Variants in IRF6 observed in about 807,000 individuals in gnomAD.
IRF6 encodes the protein Van der Woude syndrome.
In IRF6, 6 loss-of-function variants were observed where a neutral mutation model predicts 51.4. The ratio of observed to expected loss-of-function variants is 0.12; its 90% CI spans 0.06 to 0.23. The LOEUF is 0.23. Ranked by LOEUF, IRF6 falls within the 10% of genes least tolerant of loss-of-function variation. IRF6 has a pLI of 1.00. For synonymous variants in IRF6, 178 were observed against 215.7 expected, an observed-to-expected ratio of 0.83 and a Z score of 1.53; for missense variants, 348 against 585.2, an observed-to-expected ratio of 0.59 and a Z score of 4.18.
chr1:209,788,727 G>T, intron 8 of IRF6, 83 bp from the exon 9 acceptor site: 1 of 1,055,892 alleles, frequency 9.5e-7, no homozygotes, highest in Non-Finnish European at 1.4e-6. Context: ...TTGAAGGACA[G>T]ACCAAAGAGG....
chr1:209,801,468 C>G, intron 2 of IRF6, 52 bp from the exon 3 acceptor site: 3 of 1,429,590 alleles, frequency 2.1e-6, no homozygotes, highest in Non-Finnish European at 1.9e-6. Context: ...AGGCCAGCCA[C>G]TGGGAACCCT....
intron 4 of IRF6, 81 bp from the exon 5 acceptor site, chr1:209,795,499 G>A: frequency 6.2e-7 from 1 of 1,600,390 alleles, no homozygotes; most frequent in Non-Finnish European, 8.5e-7. Flanking sequence ...TTCAAGCTAG[G>A]GACTGCTAGC....
At chr1:209,797,890 C>G (rs2077913939) in intron 3 of IRF6, among the ~76,000 whole-genome samples, 1 of 152,208 alleles carries the variant, frequency 6.6e-6, no homozygotes, top group Admixed American at 6.5e-5. Context: ...CAGCTCAAGA[C>G]AGGAAGCACA....
intron 2 of IRF6, 56 bp from the exon 3 acceptor site, chr1:209,801,472 G>C: frequency 3.6e-6 from 5 of 1,407,966 alleles, no homozygotes; most frequent in Non-Finnish European, 4.8e-6. Flanking sequence ...CAGCCACTGG[G>C]AACCCTTCCC....
rs991676063 is a variant in IRF6, at chr1:209,796,900, A to C, written c.175-348T>G. Reference sequence around the variant, plus strand: ...AAGATAAAGCCTGCTGAAAATATGCACCAAAGTGCAGATGGTAACTCTGGA... The same window carrying C: ...AAGATAAAGCCTGCTGAAAATATGCCCCAAAGTGCAGATGGTAACTCTGGA... On this transcript the variant is annotated intron_variant, in intron 3 of 8. Coordinates refer to ENST00000367021, the MANE Select transcript of IRF6 (RefSeq NM_006147.4). This position sits in a 1 kb window ranked among gnomAD's most constrained non-coding sequence, Gnocchi z 4.5. Among the ~76,000 whole-genome samples, 2 of 152,240 alleles carry C rather than the reference A, an allele frequency of 1.3e-5. No homozygotes were observed. Among genetic ancestry groups the C allele is most frequent in the Non-Finnish European group, 2.9e-5 (2 of 68,038 alleles).
intron 6 of IRF6, chr1:209,791,128 C>T (rs368571235): frequency 6.0e-6 from 5 of 837,766 alleles, no homozygotes; most frequent in South Asian, 5.5e-5. Context: ...TCAATCACCA[C>T]ACCCCAAAGG....
rs1342217893 is a variant in IRF6, at chr1:209,790,870, T to G, written c.685A>C (p.Lys229Gln). 4 of 1,612,564 alleles carry G rather than the reference T, an allele frequency of 2.5e-6. No individual in the cohort carries two copies. In the South Asian group the frequency reaches 4.4e-5, roughly 18 times the overall value. Residue 229 changes from lysine to glutamine, a missense_variant, in exon 7 of 9, where the codon AAG becomes CAG. Lys to Gln is a moderately conservative substitution (Grantham distance 53, BLOSUM62 1). Coordinates refer to ENST00000367021, the MANE Select transcript of IRF6 (RefSeq NM_006147.4). The surrounding 1 kb of genome is among the most constrained non-coding windows in gnomAD (Gnocchi z 4.8). ...TACTCCTTCCCACGGTACTGAAACT[T>G]GATGTCCAGGTCAGTCACTGCAAGG... The part of the protein sequence containing the change: ...SSLPMTDLDI[K>Q]FQYRGKEYGQ...
chr1:209,802,202 T>G (rs2077948464), intron 1 of IRF6, 159 bp from the exon 2 acceptor site: 1 of 152,216 alleles, frequency 6.6e-6, no homozygotes, highest in Non-Finnish European at 1.5e-5. Context: ...ACTAAAGTAC[T>G]AAGAGTACTT....
chr1:209,789,929 C>T (rs2077859143), intron 7 of IRF6, 144 bp from the exon 8 acceptor site: 2 of 692,868 alleles, frequency 2.9e-6, no homozygotes, highest in Middle Eastern at 2.5e-4. Flanking sequence ...TCCTGGGTCA[C>T]ATTAGTCATA....
intron 3 of IRF6, among the ~76,000 whole-genome samples, chr1:209,797,117 AATCCC>A (rs1023290013): frequency 3.3e-4 from 50 of 152,278 alleles, no homozygotes; most frequent in Admixed American, 1.3e-4. Context: ...TCATGCCTGT[AATCCC>A]AGCACTTTGG....
In IRF6 at chr1:209,785,772, G is replaced by A. The variant is rs2077829470; in HGVS notation, c.*2648C>T. The stretch of plus-strand genomic sequence containing the variant: ...CACTGTTCTAAGGACTGGCAGCGAA[G>A]TCCAAGACAAACAGTCCCTACCTTC... On this transcript the variant is annotated 3_prime_UTR_variant, in exon 9 of 9. Transcript: ENST00000367021. 6.6e-6 allele frequency: 1 copy of A among 152,212 alleles called. No homozygotes were observed. The highest frequency in any genetic ancestry group is 1.5e-5 in the Non-Finnish European group (1 of 68,054). 9.4% of individuals were successfully genotyped at this position (152,212 alleles called of 1,614,324 possible).
At chr1:209,797,189 G>A (rs1453106173) in intron 3 of IRF6, among the ~76,000 whole-genome samples, 1 of 151,906 alleles carries the variant, frequency 6.6e-6, no homozygotes, top group Non-Finnish European at 1.5e-5. Flanking sequence ...TGACCAACGC[G>A]GAGAAACTCT....
chr1:209,805,218 G>C (rs2077966538), intron 1 of IRF6, among the ~76,000 whole-genome samples: 1 of 152,028 alleles, frequency 6.6e-6, no homozygotes, highest in African/African-American at 2.4e-5. Context: ...TCCACCAAGA[G>C]AACAGGTTGG....
At chr1:209,797,059 T>C (rs893630125) in intron 3 of IRF6, among the ~76,000 whole-genome samples, 1 of 152,080 alleles carries the variant, frequency 6.6e-6, no homozygotes, top group African/African-American at 2.4e-5. Flanking sequence ...CTCCTGTCAG[T>C]CTTCAATCTA....
At chr1:209,797,952 T>C (rs2077914263) in intron 3 of IRF6, among the ~76,000 whole-genome samples, 1 of 152,184 alleles carries the variant, frequency 6.6e-6, no homozygotes, top group African/African-American at 2.4e-5. Flanking sequence ...ACCCAATCCC[T>C]TCCTCTGATT....
Position 209,787,577 on chromosome 1 carries a change from A to C in IRF6, c.*843T>G, listed in dbSNP as rs599021. The C allele has an allele frequency of 0.36, 55,156 of 152,048 alleles. 10,697 individuals carry two copies. The highest frequency in any genetic ancestry group is 0.44 in the Middle Eastern group (130 of 296). The allele number at this position is 152,048 out of a possible 1,614,324, so 9.4% of individuals were successfully genotyped here. A position where few individuals can be genotyped will look rare whatever the true frequency, so the allele number is the denominator to read the frequency against. The stretch of plus-strand genomic sequence containing the variant: ...AGAGCTCTTTCCTCTTAAAGCTAAC[A>C]CCTGAGTCACATACTGTCACCTACC... On this transcript the variant is annotated 3_prime_UTR_variant, in exon 9 of 9. Coordinates refer to ENST00000367021, the MANE Select transcript of IRF6 (RefSeq NM_006147.4).
intron 5 of IRF6, 76 bp from the exon 6 acceptor site, chr1:209,792,503 A>G (rs2077875492): frequency 1.3e-6 from 2 of 1,515,492 alleles, no homozygotes; most frequent in East Asian, 4.5e-5. Flanking sequence ...GAGAACTCAC[A>G]AGGTCAGTAG....
Position 209,801,408 on chromosome 1 carries a change from G to C in IRF6, c.6C>G (p.Ala2=). 1 of 1,594,272 alleles carries C rather than the reference G, an allele frequency of 6.3e-7. No individual in the cohort carries two copies. Among genetic ancestry groups the C allele is most frequent in the Non-Finnish European group, 8.5e-7 (1 of 1,171,296 alleles). Residue 2 remains alanine, a synonymous_variant, in exon 3 of 9, where the codon GCC becomes GCG. Transcript: ENST00000367021. M[A]LHPRRVRLKP... is the part of the protein sequence containing the mutation. ...TTAGCCGGACTCTGCGGGGGTGGAGGGCCATGATCTGGGGGGGTCAGAGGG... is the reference window on the plus strand; with the variant it reads ...TTAGCCGGACTCTGCGGGGGTGGAGCGCCATGATCTGGGGGGGTCAGAGGG...
At chr1:209,791,557 C>T (rs961180213) in intron 6 of IRF6, among the ~76,000 whole-genome samples, 1 of 152,170 alleles carries the variant, frequency 6.6e-6, no homozygotes, top group Non-Finnish European at 1.5e-5. Context: ...GTACCAAATT[C>T]AGAAAGAGGT....
Sources: gnomAD v4.1 joint callset for allele counts (sites outside exome capture counted in the v4.1 genomes callset) on GRCh38, gnomAD v4.1.1 for gene constraint, Gnocchi (gnomAD v3.1) non-coding constraint, MANE v1.5 for transcripts, NCBI Gene and HGNC (gene_info 2026-07-23, HGNC 2026-07-21) for gene names.